Variants in EPM2A observed in about 807,000 individuals in gnomAD.
EPM2A encodes the protein laforin.
In EPM2A, 21 loss-of-function variants were observed where a neutral mutation model predicts 26.5. That is an observed-to-expected ratio of 0.79 (90% confidence interval 0.56 to 1.14). The LOEUF (loss-of-function observed/expected upper bound fraction) is 1.14, where lower values mean the gene tolerates loss of function less well. Among genes scored for constraint, EPM2A ranks in the 50% most tolerant of loss-of-function variants. EPM2A has a pLI of 0.00. For synonymous variants in EPM2A, 217 were observed against 177.6 expected (o/e 1.22, Z -1.76); for missense variants, 458 against 440.8 (o/e 1.04, Z -0.35).
chr6:145,557,488 C>G (rs531178675), intron 2 of EPM2A, among the ~76,000 whole-genome samples: 75 of 152,102 alleles, frequency 4.9e-4, no homozygotes, highest in African/African-American at 1.7e-3. Context: ...AATCTCAAGA[C>G]TAAAGGGTCA....
chr6:145,635,623 GA>G, intron 2 of EPM2A, 137 bp from the exon 3 acceptor site: 1 of 805,350 alleles, frequency 1.2e-6, no homozygotes, highest in Non-Finnish European at 2.1e-6. Flanking sequence ...TTTAGAATAT[GA>G]ACACCAATGT....
intron 4 of EPM2A, among the ~76,000 whole-genome samples, chr6:145,413,283 A>G (rs2114676842): frequency 6.6e-6 from 1 of 152,332 alleles, no homozygotes; most frequent in South Asian, 2.1e-4. Flanking sequence ...ATGATTCCCA[A>G]TTAAGAGCAA....
At chr6:145,574,152 T>A (rs1780997476) in intron 2 of EPM2A, among the ~76,000 whole-genome samples, 1 of 152,138 alleles carries the variant, frequency 6.6e-6, no homozygotes. Flanking sequence ...ACTCTTGAAA[T>A]TGATTGAGGG....
At chr6:145,663,550 A>C (rs1456098802) in intron 2 of EPM2A, among the ~76,000 whole-genome samples, 1 of 152,178 alleles carries the variant, frequency 6.6e-6, no homozygotes, top group Non-Finnish European at 1.5e-5. Context: ...GGTGTACCTG[A>C]AAGTGATGCG....
chr6:145,693,549 G>C (rs1352691104), intron 1 of EPM2A, among the ~76,000 whole-genome samples: 2 of 151,860 alleles, frequency 1.3e-5, no homozygotes, highest in African/African-American at 4.8e-5. Context: ...GAAGAGGTGA[G>C]GGATGAAAAA....
intron 2 of EPM2A, among the ~76,000 whole-genome samples, chr6:145,526,998 T>C (rs1317112373): frequency 6.6e-6 from 1 of 152,048 alleles, no homozygotes; most frequent in Non-Finnish European, 1.5e-5. Context: ...TGTTTTCATT[T>C]ACTTCAAATG....
At chr6:145,653,123 T>TGG (rs1778005442) in intron 2 of EPM2A, among the ~76,000 whole-genome samples, 1 of 152,164 alleles carries the variant, frequency 6.6e-6, no homozygotes, top group Admixed American at 6.5e-5. Flanking sequence ...TCACTTGATA[T>TGG]GGTTAGGCTT....
intron 2 of EPM2A, among the ~76,000 whole-genome samples, chr6:145,660,866 T>C (rs1458837091): frequency 2.0e-5 from 3 of 152,080 alleles, no homozygotes; most frequent in Non-Finnish European, 4.4e-5. Flanking sequence ...CAGATCAAAG[T>C]CACCTAATCA....
intron 4 of EPM2A, among the ~76,000 whole-genome samples, chr6:145,474,208 T>TC (rs1430101404): frequency 2.6e-5 from 4 of 152,160 alleles, no homozygotes; most frequent in African/African-American, 4.8e-5. Context: ...ATGCCTGTAA[T>TC]CCCAGCACTT....
chr6:145,626,432 C>T lies in EPM2A; in HGVS notation c.*984G>A, dbSNP rs1356138153. 8 of 985,770 alleles carry T rather than the reference C, an allele frequency of 8.1e-6. No homozygotes were observed. The highest frequency in any genetic ancestry group is 1.7e-5 in the African/African-American group (1 of 57,238). The allele number at this position is 985,770 out of a possible 1,614,324, so 61.1% of individuals were successfully genotyped here. A position where few individuals can be genotyped will look rare whatever the true frequency, so the allele number is the denominator to read the frequency against. On this transcript the variant is annotated 3_prime_UTR_variant, in exon 4 of 4. Transcript: ENST00000367519. Reference sequence around the variant, plus strand: ...AATTTCCACTCTGGTCTTAAAACAGCCCATCATGTTTTTAAATTAGCTTGC... The same window carrying T: ...AATTTCCACTCTGGTCTTAAAACAGTCCATCATGTTTTTAAATTAGCTTGC...
downstream of EPM2A, among the ~76,000 whole-genome samples, chr6:145,496,905 T>A (rs1779829263): frequency 6.6e-6 from 1 of 151,986 alleles, no homozygotes; most frequent in African/African-American, 2.4e-5. Context: ...GCCCGGCTAA[T>A]TTTTTGTATT....
At chr6:145,722,099 T>C (rs78389762) in intron 1 of EPM2A, among the ~76,000 whole-genome samples, 3,435 of 152,290 alleles carry the variant, frequency 0.023, 48 homozygotes, top group Admixed American at 0.031. Flanking sequence ...CGGGGGGAGA[T>C]AGAATGAGAA....
intron 2 of EPM2A, among the ~76,000 whole-genome samples, chr6:145,583,115 T>A (rs973318758): frequency 1.3e-5 from 2 of 152,236 alleles, no homozygotes; most frequent in African/African-American, 4.8e-5. Flanking sequence ...TAAATCTCGA[T>A]GATCTTTGTT....
At chr6:145,419,182 C>CCCCG (rs1778748436) in intron 4 of EPM2A, among the ~76,000 whole-genome samples, 2 of 114,050 alleles carry the variant, frequency 1.8e-5, no homozygotes, top group South Asian at 5.0e-4. Context: ...GTTAAATGTC[C>CCCCG]CCCCCCCCCG....
intron 1 of EPM2A, among the ~76,000 whole-genome samples, chr6:145,688,249 G>A (rs1050542494): frequency 6.6e-6 from 1 of 152,136 alleles, no homozygotes; most frequent in Non-Finnish European, 1.5e-5. Context: ...GAAGCAGAGA[G>A]TCCATTTAAG....
intron 2 of EPM2A, among the ~76,000 whole-genome samples, chr6:145,600,449 C>T (rs576688558): frequency 2.6e-5 from 4 of 152,198 alleles, no homozygotes; most frequent in Non-Finnish European, 4.4e-5. Flanking sequence ...AAAGTGCTGT[C>T]CTTTCAAAGA....
intron 2 of EPM2A, among the ~76,000 whole-genome samples, chr6:145,587,517 G>A (rs1456441170): frequency 6.6e-6 from 1 of 152,160 alleles, no homozygotes; most frequent in Non-Finnish European, 1.5e-5. Context: ...CCAGACTGCT[G>A]TGTTTATTCT....
intron 4 of EPM2A, among the ~76,000 whole-genome samples, chr6:145,478,441 T>C (rs769730736): frequency 5.9e-5 from 9 of 151,824 alleles, no homozygotes; most frequent in South Asian, 2.1e-4. Flanking sequence ...AAAATGTATA[T>C]GGAACCACGA....
intron 1 of EPM2A, among the ~76,000 whole-genome samples, chr6:145,718,206 T>A (rs1775747487): frequency 1.3e-5 from 2 of 151,798 alleles, no homozygotes; most frequent in Admixed American, 1.3e-4. Context: ...TCACACTACC[T>A]GACTTCAAAC....
Sources: allele counts gnomAD v4.1 joint callset (sites outside exome capture counted in the v4.1 genomes callset), GRCh38; gene constraint gnomAD v4.1.1; transcripts MANE v1.5; gene names NCBI Gene and HGNC (gene_info 2026-07-23, HGNC 2026-07-21).